SIAE: variants seen among roughly 807,000 people sequenced by gnomAD.
SIAE encodes the protein sialic acid acetylesterase, also known as sialate O-acetylesterase.
In SIAE, 39 loss-of-function variants were observed where a neutral mutation model predicts 52.6. The ratio of observed to expected loss-of-function variants is 0.74; its 90% CI spans 0.57 to 0.97. SIAE has a LOEUF of 0.97. SIAE is among the 50% of genes least tolerant of loss of function. The pLI is 0.00. For missense variants in SIAE, 592 were observed against 662.1 expected (o/e 0.89, Z 1.16); for synonymous variants, 233 against 241.4 (o/e 0.97, Z 0.32).
Position 124,648,070 on chromosome 11 carries a change from G to A in SIAE, c.828C>T (p.Tyr276=). 6.2e-7 allele frequency: 1 copy of A among 1,610,986 alleles called. No homozygotes were observed. The highest frequency in any genetic ancestry group is 8.5e-7 in the Non-Finnish European group (1 of 1,177,202). ...AAGAGTACACTGAACACTTACCCTG[G>A]TACCATACTACCCCTTTCAGAGTCA... is the stretch of plus-strand genomic sequence containing the variant. ...CNMTLKGVVW[Y]QGESNINYNT... The change falls in exon 6 of 10, where the codon TAC becomes TAT. Residue 276 remains tyrosine, a synonymous_variant. Transcript: ENST00000263593.
Position 124,636,652 on chromosome 11 carries a change from T to TAGAC in SIAE, c.*295_*298dup. The TAGAC allele has an allele frequency of 2.4e-6, 1 of 417,940 alleles. No individual in the cohort carries two copies. The highest frequency in any genetic ancestry group is 2.3e-5 in the South Asian group (1 of 43,188). The allele number at this position is 417,940 out of a possible 1,614,324, so 25.9% of individuals were successfully genotyped here. ...TCTGGATAAAAAGGGGCAAAAGTAT[T>TAGAC]AGACATTTCACTCCCATTAATATGA... is the stretch of plus-strand genomic sequence containing the variant. On this transcript the variant is annotated 3_prime_UTR_variant, in exon 10 of 10. Coordinates refer to ENST00000263593, the MANE Select transcript of SIAE (RefSeq NM_170601.5).
At chr11:124,665,621 C>A (rs911660482) in intron 2 of SIAE, among the ~76,000 whole-genome samples, 1 of 152,116 alleles carries the variant, frequency 6.6e-6, no homozygotes, top group Non-Finnish European at 1.5e-5. Flanking sequence ...GTTTTAAGCA[C>A]CTAAGTTTGT....
In SIAE at chr11:124,633,445, G is replaced by A. The variant is rs1942653988; in HGVS notation, c.*3506C>T. 6.6e-6 allele frequency: 1 copy of A among 152,322 alleles called. No homozygotes were observed. 9.4% of individuals were successfully genotyped at this position (152,322 alleles called of 1,614,324 possible). A position where few individuals can be genotyped will look rare whatever the true frequency, so the allele number is the denominator to read the frequency against. ...GGAGGGACAAAAGGACCCAGAAGTA[G>A]AAGAATGGGGATGGAGTGGTGAGAA... On this transcript the variant is annotated 3_prime_UTR_variant, in exon 10 of 10. Transcript: ENST00000263593.
rs187361248 is a variant in SIAE at position 124,641,816 on chromosome 11, C to T, written c.967-1949G>A. ...TCTACTAACAATACAAAAAATTAGCCGGGAGTGGTTGCAGATGCCTGTAAT... is the reference window on the plus strand; with the variant it reads ...TCTACTAACAATACAAAAAATTAGCTGGGAGTGGTTGCAGATGCCTGTAAT... On this transcript the variant is annotated intron_variant, in intron 7 of 9. Coordinates refer to ENST00000263593, the MANE Select transcript of SIAE (RefSeq NM_170601.5). Among the ~76,000 whole-genome samples the T allele has an allele frequency of 1.7e-3, 258 of 151,934 alleles. 1 individual carries two copies. The highest frequency in any genetic ancestry group is 5.7e-3 in the African/African-American group (238 of 41,436).
At chr11:124,673,857 GC>G (rs1943416654), upstream of SIAE, 2 of 745,794 alleles carry the variant, frequency 2.7e-6, no homozygotes, top group Admixed American at 3.2e-5. Flanking sequence ...CCCCTTCTCG[GC>G]CGCCGTAGTT....
intron 2 of SIAE, among the ~76,000 whole-genome samples, chr11:124,668,270 G>A (rs1423743269): frequency 1.3e-5 from 2 of 152,110 alleles, no homozygotes; most frequent in Admixed American, 6.6e-5. Context: ...CTCTCAAGAT[G>A]AGCCTCAGAC....
chr11:124,669,643 T>C, intron 1 of SIAE, 122 bp from the exon 2 acceptor site: 1 of 916,182 alleles, frequency 1.1e-6, no homozygotes, highest in Non-Finnish European at 1.7e-6. Flanking sequence ...ACTAAGTCCC[T>C]TTAATCGTCT....
rs1942778889 is a variant in SIAE at position 124,637,890 on chromosome 11, AT to A, written c.1320+651del. Among the ~76,000 whole-genome samples the A allele has an allele frequency of 2.0e-5, 3 of 152,262 alleles. No individual in the cohort carries two copies. In the East Asian group the frequency reaches 5.8e-4, roughly 29 times the overall value. ...CTTTAATATTCTTTTCTCTTCTCCAATGCATTCTTTTCACACACCCCTTCCC... is the reference window on the plus strand; with the variant it reads ...CTTTAATATTCTTTTCTCTTCTCCAAGCATTCTTTTCACACACCCCTTCCC... On this transcript the variant is annotated intron_variant, in intron 9 of 9. Coordinates refer to ENST00000263593, the MANE Select transcript of SIAE (RefSeq NM_170601.5).
At chr11:124,664,237 CT>C (rs199814380) in intron 2 of SIAE, among the ~76,000 whole-genome samples, 2,666 of 138,560 alleles carry the variant, frequency 0.019, 27 homozygotes, top group Non-Finnish European at 0.024. Context: ...TAGCCTATTT[CT>C]TTTTTTTTTT....
rs1317102366 is a variant in SIAE at position 124,669,385 on chromosome 11, G to C, written c.204C>G (p.Ile68Met). The C allele has an allele frequency of 1.2e-6, 2 of 1,614,064 alleles. No individual in the cohort carries two copies. The highest frequency in any genetic ancestry group is 2.7e-5 in the African/African-American group (2 of 74,928). Reference protein sequence around the residue: ...TVTLRQGQETIMKKVTSVKAH... With the variant: ...TVTLRQGQETMMKKVTSVKAH... ...CTTTCACACTGGTCACTTTCTTCAT[G>C]ATGGTTTCCTGACCTTGGCGCAGGG... is the stretch of plus-strand genomic sequence containing the variant. Residue 68 changes from isoleucine to methionine, a missense_variant, in exon 2 of 10, where the codon ATC becomes ATG. Physicochemically the swap from Ile to Met is conservative, Grantham distance 10 (BLOSUM62 1). Coordinates refer to ENST00000263593, the MANE Select transcript of SIAE (RefSeq NM_170601.5).
chr11:124,650,630 G>A (rs975138747), intron 4 of SIAE, among the ~76,000 whole-genome samples: 1 of 152,002 alleles, frequency 6.6e-6, no homozygotes, highest in Non-Finnish European at 1.5e-5. Flanking sequence ...AATATTAGCT[G>A]GGCGTGGTGG....
chr11:124,662,411 C>T (rs192298655), intron 2 of SIAE, among the ~76,000 whole-genome samples: 112 of 152,280 alleles, frequency 7.4e-4, no homozygotes, highest in Admixed American at 2.0e-3. Flanking sequence ...CTGCCACCAA[C>T]GTTATTTACT....
chr11:124,673,371 C>T (rs1248916578), intron 1 of SIAE, among the ~76,000 whole-genome samples: 1 of 152,202 alleles, frequency 6.6e-6, no homozygotes, highest in Non-Finnish European at 1.5e-5. Flanking sequence ...CACATTTGGG[C>T]CTCCCCACTC....
At chr11:124,650,408 A>G (rs1763786179) in intron 4 of SIAE, among the ~76,000 whole-genome samples, 2 of 152,138 alleles carry the variant, frequency 1.3e-5, no homozygotes, top group Admixed American at 1.3e-4. Context: ...GGGAAAAAGC[A>G]AGGAGGGGGC....
chr11:124,643,142 A>G (rs2134357840), intron 7 of SIAE, among the ~76,000 whole-genome samples: 1 of 152,328 alleles, frequency 6.6e-6, no homozygotes, highest in African/African-American at 2.4e-5. Flanking sequence ...CAGCAATAGA[A>G]AACTAAAACA....
Position 124,634,257 on chromosome 11 carries a change from C to A in SIAE, c.*2694G>T, listed in dbSNP as rs1291837403. On this transcript the variant is annotated 3_prime_UTR_variant, in exon 10 of 10. Transcript: ENST00000263593. Reference sequence around the variant, plus strand: ...GCTGAGGCAGGAAGAATCGCTTGAACCCGGGAGGCAGAGGTTGCAGTGAGC... The same window carrying A: ...GCTGAGGCAGGAAGAATCGCTTGAAACCGGGAGGCAGAGGTTGCAGTGAGC... 6.6e-6 allele frequency: 1 copy of A among 152,354 alleles called. No individual in the cohort carries two copies. Among genetic ancestry groups the A allele is most frequent in the Non-Finnish European group, 1.5e-5 (1 of 68,148 alleles). 9.4% of individuals were successfully genotyped at this position (152,354 alleles called of 1,614,324 possible). A position where few individuals can be genotyped will look rare whatever the true frequency, so the allele number is the denominator to read the frequency against.
At chr11:124,653,944 C>T (rs1027389713) in intron 4 of SIAE, among the ~76,000 whole-genome samples, 6 of 151,992 alleles carry the variant, frequency 3.9e-5, no homozygotes, top group Admixed American at 1.3e-4. Flanking sequence ...TTTGGGAGGC[C>T]GAGGTGGGCG....
Position 124,639,704 on chromosome 11 carries a change from T to A in SIAE, c.1124+6A>T, listed in dbSNP as rs768838529. The A allele has an allele frequency of 9.9e-6, 16 of 1,613,824 alleles. No individual in the cohort carries two copies. The highest frequency in any genetic ancestry group is 1.4e-5 in the Non-Finnish European group (16 of 1,179,908). ...TGTTCATGCAAAGCCCAAGAAGCAATCATACCTGCCAAAAGGCGAGTCTCT... is the reference window on the plus strand; with the variant it reads ...TGTTCATGCAAAGCCCAAGAAGCAAACATACCTGCCAAAAGGCGAGTCTCT... On this transcript the variant is annotated splice_donor_region_variant and intron_variant, in intron 8 of 9. Transcript: ENST00000263593.
At chr11:124,647,310 C>T in intron 7 of SIAE, 55 bp downstream of exon 7, 1 of 1,611,056 alleles carries the variant, frequency 6.2e-7, no homozygotes, top group South Asian at 1.1e-5. Context: ...ACCTCTTCCT[C>T]TCAACACAGG....
Sources: allele counts gnomAD v4.1 joint callset (sites outside exome capture counted in the v4.1 genomes callset), GRCh38; gene constraint gnomAD v4.1.1; transcripts MANE v1.5; gene names NCBI Gene and HGNC (gene_info 2026-07-23, HGNC 2026-07-21).